The following NME7 variants were observed in gnomAD, a reference collection of about 807,000 sequenced individuals.
The protein encoded by NME7 is nucleoside diphosphate kinase 7.
NME7 carries 41 observed loss-of-function variants against 49.1 expected under a neutral mutation model. The observed-to-expected ratio is 0.83, with a 90% CI of 0.65 to 1.08. The LOEUF is 1.08. NME7 is among the 50% of genes least tolerant of loss of function. The probability of loss-of-function intolerance (pLI) is 0.00; values close to 1 mark genes in which losing one functional copy is unlikely to be tolerated. For missense variants in NME7, 423 were observed against 463.4 expected (o/e 0.91, Z 0.80); for synonymous variants, 139 against 150.6 (o/e 0.92, Z 0.56).
At chr1:169,243,075 A>T (rs1558003932) in intron 7 of NME7, among the ~76,000 whole-genome samples, 1 of 152,156 alleles carries the variant, frequency 6.6e-6, no homozygotes. Flanking sequence ...AAGATAAAGG[A>T]ACTAGAATAA....
At chr1:169,153,874 T>A (rs575188800) in intron 11 of NME7, among the ~76,000 whole-genome samples, 183 of 151,998 alleles carry the variant, frequency 1.2e-3, no homozygotes, top group African/African-American at 3.9e-3. Flanking sequence ...AATTTTTTTT[T>A]TTTTTTTATT....
At chr1:169,238,962 G>C (rs1647974467) in intron 7 of NME7, among the ~76,000 whole-genome samples, 1 of 151,958 alleles carries the variant, frequency 6.6e-6, no homozygotes, top group South Asian at 2.1e-4. Context: ...ATGTGCAAAA[G>C]TTTGTATTTA....
chr1:169,351,160 A>T (rs1474833873), intron 1 of NME7, among the ~76,000 whole-genome samples: 3 of 152,022 alleles, frequency 2.0e-5, no homozygotes, highest in African/African-American at 7.3e-5. Context: ...AAATGTACTG[A>T]TATTTTTATA....
At chr1:169,321,303 T>C (rs1164168308) in intron 3 of NME7, among the ~76,000 whole-genome samples, 4 of 152,048 alleles carry the variant, frequency 2.6e-5, no homozygotes, top group African/African-American at 9.7e-5. Context: ...AAGGGTGCAG[T>C]GGGCTATGAT....
chr1:169,358,157 T>C (rs1653527309), intron 1 of NME7, among the ~76,000 whole-genome samples: 1 of 152,066 alleles, frequency 6.6e-6, no homozygotes, highest in Non-Finnish European at 1.5e-5. Context: ...TTTTTGAAGG[T>C]TGATATTTTA....
At chr1:169,177,834 T>C (rs1659800829) in intron 10 of NME7, among the ~76,000 whole-genome samples, 1 of 127,898 alleles carries the variant, frequency 7.8e-6, no homozygotes, top group Non-Finnish European at 1.8e-5. Flanking sequence ...CAATTCTCTT[T>C]TTTTGTTTTT....
At chr1:169,213,829 A>AT (rs1491514817) in intron 10 of NME7, among the ~76,000 whole-genome samples, 222 of 130,884 alleles carry the variant, frequency 1.7e-3, no homozygotes, top group African/African-American at 5.4e-3. Context: ...ATAAATAAAT[A>AT]AATATATATA....
intron 3 of NME7, among the ~76,000 whole-genome samples, chr1:169,314,174 G>C (rs762233420): frequency 6.6e-6 from 1 of 151,332 alleles, no homozygotes; most frequent in Non-Finnish European, 1.5e-5. Context: ...TGAGATAAAA[G>C]AAAGGATAAA....
rs1489344069 is a variant in NME7, at chr1:169,296,700, CCA to C, written c.648+1854_648+1855del. Among the ~76,000 whole-genome samples, 15 of 152,218 alleles carry C rather than the reference CCA, an allele frequency of 9.9e-5. No homozygotes were observed. In the East Asian group the frequency reaches 2.9e-3, roughly 29 times the overall value. ...GATTGTCCATTCATTCTGACTCTAG[CCA>C]CAGTTTTCCTCATTTCAGTTTACGT... On this transcript the variant is annotated intron_variant, in intron 6 of 11. Coordinates refer to ENST00000367811, the MANE Select transcript of NME7 (RefSeq NM_013330.5).
intron 10 of NME7, among the ~76,000 whole-genome samples, chr1:169,195,266 C>T (rs56341747): frequency 0.11 from 16,552 of 152,140 alleles, 953 homozygotes; most frequent in East Asian, 0.17. Flanking sequence ...TGCTCTGTCA[C>T]CCAGGCACAA....
chr1:169,292,099 G>A (rs1264723762), intron 6 of NME7, among the ~76,000 whole-genome samples: 2 of 152,016 alleles, frequency 1.3e-5, no homozygotes, highest in African/African-American at 2.4e-5. Context: ...AAGAAATAAG[G>A]TCTTTTCAGC....
intron 10 of NME7, among the ~76,000 whole-genome samples, chr1:169,180,287 C>G (rs990107067): frequency 6.6e-6 from 1 of 152,208 alleles, no homozygotes; most frequent in African/African-American, 2.4e-5. Flanking sequence ...TCATAGCTAA[C>G]AATGAGGCAC....
chr1:169,178,557 A>G (rs560850016), intron 10 of NME7, among the ~76,000 whole-genome samples: 2 of 152,260 alleles, frequency 1.3e-5, no homozygotes, highest in East Asian at 3.9e-4. Context: ...TGCAACACTT[A>G]AGAAACTTAA....
At chr1:169,222,251 C>T (rs1421082450) in intron 10 of NME7, among the ~76,000 whole-genome samples, 1 of 151,716 alleles carries the variant, frequency 6.6e-6, no homozygotes, top group East Asian at 1.9e-4. Flanking sequence ...AGCTTGGTGC[C>T]CTGTGAGGAG....
chr1:169,204,599 T>C (rs575199185), intron 10 of NME7, among the ~76,000 whole-genome samples: 1 of 152,268 alleles, frequency 6.6e-6, no homozygotes, highest in South Asian at 2.1e-4. Flanking sequence ...TTCTTTCAGA[T>C]GTCGCACTCT....
At chr1:169,284,897 A>G (rs766397060) in intron 7 of NME7, 1 of 152,142 alleles carries the variant, frequency 6.6e-6, no homozygotes, top group Non-Finnish European at 1.5e-5. Flanking sequence ...TCCTTGCAAC[A>G]TATTTTTCCT....
chr1:169,331,681 C>A (rs1652261920), intron 1 of NME7, among the ~76,000 whole-genome samples: 1 of 151,950 alleles, frequency 6.6e-6, no homozygotes, highest in Non-Finnish European at 1.5e-5. Flanking sequence ...AGTGAACAAT[C>A]TTAAAAAGAA....
intron 7 of NME7, among the ~76,000 whole-genome samples, chr1:169,253,251 G>A (rs1648720064): frequency 1.4e-5 from 2 of 146,802 alleles, no homozygotes; most frequent in Non-Finnish European, 3.0e-5. Context: ...GCAGTGGTTT[G>A]TAGTTCTCCT....
intron 11 of NME7, among the ~76,000 whole-genome samples, chr1:169,143,116 C>T (rs1658647058): frequency 1.3e-5 from 2 of 152,256 alleles, no homozygotes; most frequent in East Asian, 1.9e-4. Flanking sequence ...CACATGGTAA[C>T]TGGAGAGACC....
Sources: allele counts gnomAD v4.1 joint callset (sites outside exome capture counted in the v4.1 genomes callset), GRCh38; gene constraint gnomAD v4.1.1; transcripts MANE v1.5; gene names NCBI Gene and HGNC (gene_info 2026-07-23, HGNC 2026-07-21).